Variants in METTL16 observed in about 807,000 individuals in gnomAD.
METTL16 encodes RNA N(6)-adenosine-methyltransferase METTL16.
In METTL16, 19 loss-of-function variants were observed where a neutral mutation model predicts 57.9. The observed-to-expected ratio is 0.33, with a 90% confidence interval of 0.23 to 0.48. The LOEUF is 0.48. METTL16 is among the 20% of genes least tolerant of loss of function. The pLI, the probability that METTL16 is intolerant of heterozygous loss-of-function variation, is 0.99. For missense variants in METTL16, 434 were observed against 691.5 expected, an observed-to-expected ratio of 0.63 and a Z score of 4.18; for synonymous variants, 246 against 255.6, an observed-to-expected ratio of 0.96 and a Z score of 0.36.
chr17:2,430,066 G>A lies in METTL16; in HGVS notation c.888+8043C>T, dbSNP rs565310873. On this transcript the variant is annotated intron_variant, in intron 8 of 9. Transcript: ENST00000263092. ...TAACCTCAGTTGATCCACCTGCCTC[G>A]GCCTCCCAAAGTGCTGGGATTACAG... is the stretch of plus-strand genomic sequence containing the variant. Among the ~76,000 whole-genome samples the A allele has an allele frequency of 1.4e-3, 205 of 151,576 alleles. 1 individual carries two copies. Among genetic ancestry groups the A allele is most frequent in the South Asian group, 8.5e-3 (41 of 4,810 alleles).
At chr17:2,510,718 A>G (rs1192117653) in intron 1 of METTL16, among the ~76,000 whole-genome samples, 1 of 151,838 alleles carries the variant, frequency 6.6e-6, no homozygotes, top group Non-Finnish European at 1.5e-5. Flanking sequence ...CCCAGAGTGC[A>G]ATGATGGAAT....
At chr17:2,474,390 A>C (rs1255941038) in intron 3 of METTL16, among the ~76,000 whole-genome samples, 9 of 149,146 alleles carry the variant, frequency 6.0e-5, no homozygotes, top group Non-Finnish European at 1.2e-4. Flanking sequence ...CAAAAAGAAA[A>C]AAAAAAAAAA....
Position 2,420,711 on chromosome 17 carries a change from C to T in METTL16, c.1062+20G>A. The T allele has an allele frequency of 6.3e-7, 1 of 1,594,240 alleles. No homozygotes were observed. The highest frequency in any genetic ancestry group is 8.5e-7 in the Non-Finnish European group (1 of 1,172,816). On this transcript the variant is annotated intron_variant, in intron 9 of 9. Transcript: ENST00000263092. This position sits in a 1 kb window ranked among gnomAD's most constrained non-coding sequence, Gnocchi z 5.4. The stretch of plus-strand genomic sequence containing the variant: ...AGAAGGATCATTATGAGTACTTCGT[C>T]AATATGGTTAAGCAGGTACCTTCAA...
At position 2,420,708 on chromosome 17, in the gene METTL16, C is replaced by T. The variant is rs1231742390; in HGVS notation, c.1062+23G>A. Reference sequence around the variant, plus strand: ...AAGAGAAGGATCATTATGAGTACTTCGTCAATATGGTTAAGCAGGTACCTT... The same window carrying T: ...AAGAGAAGGATCATTATGAGTACTTTGTCAATATGGTTAAGCAGGTACCTT... On this transcript the variant is annotated intron_variant, in intron 9 of 9. Transcript: ENST00000263092. This position sits in a 1 kb window ranked among gnomAD's most constrained non-coding sequence, Gnocchi z 5.4. 3.1e-6 allele frequency: 5 copies of T among 1,590,736 alleles called. No individual in the cohort carries two copies. Among genetic ancestry groups the T allele is most frequent in the Non-Finnish European group, 1.7e-6 (2 of 1,171,436 alleles).
chr17:2,444,441 C>T (rs1046547150), intron 6 of METTL16, among the ~76,000 whole-genome samples: 2 of 149,794 alleles, frequency 1.3e-5, no homozygotes, highest in Non-Finnish European at 2.9e-5. Flanking sequence ...CAGAGCGAGA[C>T]TCTGTCTCAA....
intron 1 of METTL16, among the ~76,000 whole-genome samples, chr17:2,506,750 A>G (rs371615860): frequency 1.4e-5 from 2 of 147,646 alleles, no homozygotes; most frequent in Admixed American, 6.7e-5. Context: ...GCCGCCCATC[A>G]TCTGGGATGT....
At chr17:2,507,768 T>C (rs2067557269) in intron 1 of METTL16, among the ~76,000 whole-genome samples, 1 of 152,180 alleles carries the variant, frequency 6.6e-6, no homozygotes, top group African/African-American at 2.4e-5. Context: ...GACTTTTCAT[T>C]TTGTTCTGTA....
At chr17:2,506,116 T>C (rs893043563) in intron 1 of METTL16, among the ~76,000 whole-genome samples, 7 of 151,992 alleles carry the variant, frequency 4.6e-5, no homozygotes, top group Non-Finnish European at 8.8e-5. Flanking sequence ...TTTTTATCTG[T>C]AACGTTTTTT....
At chr17:2,471,851 T>C (rs143256907) in intron 4 of METTL16, among the ~76,000 whole-genome samples, 2 of 152,180 alleles carry the variant, frequency 1.3e-5, no homozygotes, top group African/African-American at 2.4e-5. Flanking sequence ...CAGTAGCTCA[T>C]GTCTATCATT....
At chr17:2,432,032 T>C (rs886981276) in intron 8 of METTL16, among the ~76,000 whole-genome samples, 13 of 152,016 alleles carry the variant, frequency 8.6e-5, no homozygotes, top group Middle Eastern at 3.2e-3. Flanking sequence ...GCACACTCTG[T>C]CTCCCAGGTT....
intron 8 of METTL16, among the ~76,000 whole-genome samples, chr17:2,426,806 G>A (rs1428432352): frequency 6.6e-6 from 1 of 151,284 alleles, no homozygotes; most frequent in Non-Finnish European, 1.5e-5. Context: ...ATTTAAGAAG[G>A]AATGATTATA....
intron 2 of METTL16, among the ~76,000 whole-genome samples, chr17:2,495,600 C>T (rs2067438510): frequency 6.7e-6 from 1 of 149,074 alleles, no homozygotes; most frequent in Non-Finnish European, 1.5e-5. Context: ...GAGGCTGAGG[C>T]AGAAGAATCC....
chr17:2,504,100 G>A (rs1037699821), intron 1 of METTL16, among the ~76,000 whole-genome samples: 10 of 152,106 alleles, frequency 6.6e-5, no homozygotes, highest in African/African-American at 2.2e-4. Context: ...ACCATGCTAA[G>A]GGAAATAAAC....
chr17:2,504,512 T>TA (rs1230066319), intron 1 of METTL16, among the ~76,000 whole-genome samples: 1 of 152,188 alleles, frequency 6.6e-6, no homozygotes, highest in Non-Finnish European at 1.5e-5. Flanking sequence ...ATATATGATC[T>TA]ATAACCAAGG....
intron 8 of METTL16, 136 bp from the exon 9 acceptor site, chr17:2,421,040 G>A: frequency 1.0e-6 from 1 of 967,464 alleles, no homozygotes; most frequent in Non-Finnish European, 1.5e-6. Context: ...AAAGGGTTTT[G>A]TGTGTGTTAT....
rs527693479 is a variant in METTL16, at chr17:2,418,408, T to C, written c.*1562A>G. On this transcript the variant is annotated 3_prime_UTR_variant, in exon 10 of 10. Transcript: ENST00000263092. Reference sequence around the variant, plus strand: ...GAGTTCGAGATTAGCCTGGCCAACATGGTGAAATCCCATCTCTACCAAAAA... The same window carrying C: ...GAGTTCGAGATTAGCCTGGCCAACACGGTGAAATCCCATCTCTACCAAAAA... 1 of 152,210 alleles carries C rather than the reference T, an allele frequency of 6.6e-6. No individual in the cohort carries two copies. The highest frequency in any genetic ancestry group is 1.5e-5 in the Non-Finnish European group (1 of 68,040). 9.4% of individuals were successfully genotyped at this position (152,210 alleles called of 1,614,324 possible).
At position 2,418,699 on chromosome 17, in the gene METTL16, G is replaced by A. The variant is rs887956562; in HGVS notation, c.*1271C>T. 19 of 152,412 alleles carry A rather than the reference G, an allele frequency of 1.2e-4. No homozygotes were observed. The highest frequency in any genetic ancestry group is 4.6e-4 in the African/African-American group (19 of 41,472). 9.4% of individuals were successfully genotyped at this position (152,412 alleles called of 1,614,324 possible). On this transcript the variant is annotated 3_prime_UTR_variant, in exon 10 of 10. Transcript: ENST00000263092. ...GTTCCGCTTCCTGTGTCTCTGCCGA[G>A]GGCCTGATCTAGCTGCTGCCAAGAC... is the stretch of plus-strand genomic sequence containing the variant.
intron 6 of METTL16, among the ~76,000 whole-genome samples, chr17:2,453,703 G>A (rs766857226): frequency 6.6e-6 from 1 of 152,088 alleles, no homozygotes; most frequent in Non-Finnish European, 1.5e-5. Flanking sequence ...TTTGCCAATT[G>A]TTCCACGAAT....
At chr17:2,423,894 A>C (rs1378102821) in intron 8 of METTL16, among the ~76,000 whole-genome samples, 5 of 152,218 alleles carry the variant, frequency 3.3e-5, no homozygotes, top group Non-Finnish European at 7.3e-5. Flanking sequence ...GAACTCTATC[A>C]GGGATACTTT....
Sources: gnomAD v4.1 joint callset for allele counts (sites outside exome capture counted in the v4.1 genomes callset) on GRCh38, gnomAD v4.1.1 for gene constraint, Gnocchi (gnomAD v3.1) non-coding constraint, MANE v1.5 for transcripts, NCBI Gene and HGNC (gene_info 2026-07-23, HGNC 2026-07-21) for gene names.